The following SLC7A1 variants were observed in gnomAD, a reference collection of about 807,000 sequenced individuals.
SLC7A1 encodes solute carrier family 7 member 1, also known as high affinity cationic amino acid transporter 1.
In SLC7A1, 10 loss-of-function variants were observed where a neutral mutation model predicts 53.9. The ratio of observed to expected loss-of-function variants is 0.19; its 90% CI spans 0.11 to 0.31. The LOEUF (loss-of-function observed/expected upper bound fraction) is 0.31, where lower values mean the gene tolerates loss of function less well. Ranked by LOEUF, SLC7A1 falls within the 10% of genes least tolerant of loss-of-function variation. The pLI, the probability that SLC7A1 is intolerant of heterozygous loss-of-function variation, is 1.00. For missense variants in SLC7A1, 525 were observed against 827.2 expected, an observed-to-expected ratio of 0.63 and a Z score of 4.48; for synonymous variants, 342 against 338.7, an observed-to-expected ratio of 1.01 and a Z score of -0.11.
intron 11 of SLC7A1, chr13:29,516,902 G>C (rs1191092182): frequency 4.6e-6 from 2 of 434,630 alleles, no homozygotes; most frequent in Non-Finnish European, 8.1e-6. Context: ...GTGTCATGCA[G>C]GAAGGTGTCA....
intron 1 of SLC7A1, among the ~76,000 whole-genome samples, chr13:29,576,019 A>T (rs1871393525): frequency 6.6e-6 from 1 of 152,122 alleles, no homozygotes; most frequent in African/African-American, 2.4e-5. Context: ...CACGTGTGGT[A>T]GCTCATGCCT....
chr13:29,516,025 AT>A (rs1222401628), intron 12 of SLC7A1, 112 bp downstream of exon 12: 2 of 634,492 alleles, frequency 3.2e-6, no homozygotes, highest in African/African-American at 1.8e-5. Context: ...ATTCAGCATT[AT>A]CTTCGAGAAA....
intron 1 of SLC7A1, among the ~76,000 whole-genome samples, chr13:29,592,189 C>CG (rs1872138220): frequency 1.3e-5 from 2 of 152,302 alleles, no homozygotes; most frequent in South Asian, 2.1e-4. Flanking sequence ...AAGGCCTCTT[C>CG]CCTCAGTCAC....
At chr13:29,538,960 C>T (rs564882941) in intron 2 of SLC7A1, among the ~76,000 whole-genome samples, 3 of 152,232 alleles carry the variant, frequency 2.0e-5, no homozygotes, top group Admixed American at 2.0e-4. Flanking sequence ...CCTGCCTGCT[C>T]CCAACCTCTC....
intron 1 of SLC7A1, among the ~76,000 whole-genome samples, chr13:29,571,773 G>C (rs898171811): frequency 6.6e-6 from 1 of 152,210 alleles, no homozygotes; most frequent in Non-Finnish European, 1.5e-5. Context: ...ACAAAGCCCA[G>C]TTATTTGTTT....
intron 2 of SLC7A1, among the ~76,000 whole-genome samples, chr13:29,539,130 G>A (rs1869552876): frequency 6.6e-6 from 1 of 152,208 alleles, no homozygotes; most frequent in South Asian, 2.1e-4. Context: ...GGGTCGCCCT[G>A]CCTTTCTCTG....
At chr13:29,582,084 T>G (rs751998578) in intron 1 of SLC7A1, among the ~76,000 whole-genome samples, 2 of 152,246 alleles carry the variant, frequency 1.3e-5, no homozygotes, top group Non-Finnish European at 2.9e-5. Context: ...AGAGGGGAAC[T>G]GTAAGTTTCT....
chr13:29,581,111 T>C (rs1223358900), intron 1 of SLC7A1, among the ~76,000 whole-genome samples: 2 of 152,110 alleles, frequency 1.3e-5, no homozygotes, highest in Non-Finnish European at 2.9e-5. Context: ...CTAAGGGAGT[T>C]TATGAATTAA....
At chr13:29,542,583 T>C (rs1869714470) in intron 2 of SLC7A1, among the ~76,000 whole-genome samples, 1 of 151,434 alleles carries the variant, frequency 6.6e-6, no homozygotes, top group Non-Finnish European at 1.5e-5. Flanking sequence ...CTCAGGAGGC[T>C]GAGCCAGGAG....
intron 6 of SLC7A1, 110 bp downstream of exon 6, chr13:29,524,022 G>A (rs989351644): frequency 9.6e-6 from 10 of 1,041,980 alleles, no homozygotes; most frequent in Non-Finnish European, 1.4e-5. Flanking sequence ...TGTTGCTCAT[G>A]TGTGAAAGAG....
At chr13:29,574,426 C>T (rs996212997) in intron 1 of SLC7A1, among the ~76,000 whole-genome samples, 1 of 152,206 alleles carries the variant, frequency 6.6e-6, no homozygotes, top group African/African-American at 2.4e-5. Context: ...AACACGAACT[C>T]ATCTGTGGGA....
chr13:29,568,146 T>C (rs1215972932), intron 1 of SLC7A1, among the ~76,000 whole-genome samples: 2 of 152,182 alleles, frequency 1.3e-5, no homozygotes, highest in Non-Finnish European at 2.9e-5. Flanking sequence ...ACAGGCTACA[T>C]CTAAAACGTG....
At position 29,516,161 on chromosome 13, in the gene SLC7A1, C is replaced by T. The variant is rs1193390067; in HGVS notation, c.1763G>A (p.Arg588Gln). Reference protein sequence around the residue: ...MMQLDQGTWVRFAVWMLIGFI... With the variant: ...MMQLDQGTWVQFAVWMLIGFI... ...ACCTATCAGCATCCACACAGCAAAC[C>T]GGACCCAGGTGCCCTGGTCCAGCTG... Residue 588 changes from arginine (R) to glutamine (Q), a missense_variant, in exon 12 of 13, where the codon CGG becomes CAG. By Grantham distance (43) the Arg-to-Gln change is conservative (BLOSUM62 1). Coordinates refer to ENST00000380752, the MANE Select transcript of SLC7A1 (RefSeq NM_003045.5). 5.6e-6 allele frequency: 9 copies of T among 1,612,862 alleles called. No individual in the cohort carries two copies. The highest frequency in any genetic ancestry group is 7.6e-6 in the Non-Finnish European group (9 of 1,179,074).
intron 11 of SLC7A1, 79 bp from the exon 12 acceptor site, chr13:29,516,325 A>G: frequency 1.1e-6 from 1 of 896,660 alleles, no homozygotes; most frequent in Non-Finnish European, 1.8e-6. Flanking sequence ...TAGTAAAGGC[A>G]GCACAACTGA....
chr13:29,552,984 A>G (rs1270523844), intron 2 of SLC7A1, among the ~76,000 whole-genome samples: 1 of 152,146 alleles, frequency 6.6e-6, no homozygotes, highest in African/African-American at 2.4e-5. Context: ...ATTTAAAGAG[A>G]GTTAGGGGAC....
chr13:29,531,540 G>A lies in SLC7A1; in HGVS notation c.530-828C>T, dbSNP rs148370761. Among the ~76,000 whole-genome samples the A allele has an allele frequency of 2.8e-3, 420 of 152,270 alleles. 1 individual carries two copies. The highest frequency in any genetic ancestry group is 9.2e-3 in the African/African-American group (383 of 41,564). ...TGCTCTGCCATGGACGCCTCTCATC[G>A]TTTTAAAATAAAAATTGGCTAGGTG... is the stretch of plus-strand genomic sequence containing the variant. On this transcript the variant is annotated intron_variant, in intron 4 of 12. Transcript: ENST00000380752.
rs987381045 is a variant in SLC7A1, at chr13:29,510,242, T to C, written c.*4238A>G. ...CAGCCGGGTCCCGATGGCGAGAGCG[T>C]TGTGGCTCAGTGAAGCACTGGCACA... On this transcript the variant is annotated 3_prime_UTR_variant, in exon 13 of 13. Coordinates refer to ENST00000380752, the MANE Select transcript of SLC7A1 (RefSeq NM_003045.5). 6.6e-6 allele frequency: 1 copy of C among 152,610 alleles called. No individual in the cohort carries two copies. Among genetic ancestry groups the C allele is most frequent in the African/African-American group, 2.4e-5 (1 of 41,438 alleles). 9.5% of individuals were successfully genotyped at this position (152,610 alleles called of 1,614,324 possible).
intron 1 of SLC7A1, among the ~76,000 whole-genome samples, chr13:29,560,185 A>G (rs1339081167): frequency 6.6e-6 from 1 of 151,926 alleles, no homozygotes; most frequent in African/African-American, 2.4e-5. Context: ...AGATGCAGAC[A>G]AACACATTAG....
At chr13:29,550,916 G>A (rs1259806762) in intron 2 of SLC7A1, among the ~76,000 whole-genome samples, 2 of 152,206 alleles carry the variant, frequency 1.3e-5, no homozygotes, top group African/African-American at 2.4e-5. Context: ...GAATCCTTGG[G>A]GGGCTAAGAA....
Sources: gnomAD v4.1 joint callset for allele counts (sites outside exome capture counted in the v4.1 genomes callset) on GRCh38, gnomAD v4.1.1 for gene constraint, MANE v1.5 for transcripts, NCBI Gene and HGNC (gene_info 2026-07-23, HGNC 2026-07-21) for gene names.